Variants in SPRED2 observed in about 807,000 individuals in gnomAD.
SPRED2 encodes the protein sprouty related EVH1 domain containing 2.
A neutral mutation model predicts 43.0 loss-of-function variants in SPRED2; 47 were observed. The observed-to-expected ratio is 1.09, with a 90% CI of 0.87 to 1.40. The LOEUF (loss-of-function observed/expected upper bound fraction) is 1.40. Ranked by LOEUF, SPRED2 falls within the 40% of genes most tolerant of loss-of-function variation. The probability of loss-of-function intolerance (pLI) is 0.00; values close to 1 mark genes in which losing one functional copy is unlikely to be tolerated. For missense variants in SPRED2, 561 were observed against 586.4 expected (o/e 0.96, Z 0.45); for synonymous variants, 225 against 225.7 (o/e 1.00, Z 0.03).
chr2:65,336,482 T>C (rs1373092420), intron 2 of SPRED2, among the ~76,000 whole-genome samples: 1 of 152,232 alleles, frequency 6.6e-6, no homozygotes, highest in Non-Finnish European at 1.5e-5. Flanking sequence ...CAGTTAACTT[T>C]ATTACATTGT....
chr2:65,396,181 T>C (rs1387849414), intron 1 of SPRED2, among the ~76,000 whole-genome samples: 1 of 152,210 alleles, frequency 6.6e-6, no homozygotes, highest in African/African-American at 2.4e-5. Context: ...AGTTAAAGGT[T>C]GATTACTCTT....
chr2:65,348,026 A>G (rs78287130), intron 1 of SPRED2, among the ~76,000 whole-genome samples: 2,892 of 152,172 alleles, frequency 0.019, 47 homozygotes, highest in Middle Eastern at 0.037. Flanking sequence ...CAAACCCTCC[A>G]GTGGTATCGC....
chr2:65,402,278 CAAAAAAAAAAAAAAAA>C (rs58209803), intron 1 of SPRED2, among the ~76,000 whole-genome samples: 2 of 64,404 alleles, frequency 3.1e-5, no homozygotes, highest in African/African-American at 7.1e-5. Flanking sequence ...GACTCTGTCT[CAAAAAAAAAAAAAAAA>C]AAAAAAAAAA....
Position 65,407,727 on chromosome 2 carries a change from G to A in SPRED2, c.26+24235C>T, listed in dbSNP as rs117914268. On this transcript the variant is annotated intron_variant, in intron 1 of 5. Coordinates refer to ENST00000356388, the MANE Select transcript of SPRED2 (RefSeq NM_181784.3). ...AGACGCGGTATCCACTCATGCCTCCGTGCACACAGGTAGACAGAAAAGGGT... is the reference window on the plus strand; with the variant it reads ...AGACGCGGTATCCACTCATGCCTCCATGCACACAGGTAGACAGAAAAGGGT... Among the ~76,000 whole-genome samples the A allele has an allele frequency of 2.0e-5, 3 of 152,184 alleles. No individual in the cohort carries two copies. The East Asian group carries it at 5.8e-4, about 29-fold the overall frequency.
intron 1 of SPRED2, among the ~76,000 whole-genome samples, chr2:65,403,141 C>T (rs568617455): frequency 2.0e-4 from 31 of 152,284 alleles, no homozygotes; most frequent in Admixed American, 4.6e-4. Flanking sequence ...AGCTCAGGAC[C>T]GGCTATAAAC....
chr2:65,312,162 C>G lies in SPRED2; in HGVS notation c.*1339G>C. The G allele has an allele frequency of 1.0e-6, 1 of 985,644 alleles. No homozygotes were observed. Among genetic ancestry groups the G allele is most frequent in the Non-Finnish European group, 1.2e-6 (1 of 829,944 alleles). 61.1% of individuals were successfully genotyped at this position (985,644 alleles called of 1,614,324 possible). On this transcript the variant is annotated 3_prime_UTR_variant, in exon 6 of 6. Transcript: ENST00000356388. ...ATACTCTTTTCCAGCTAATTAGAAG[C>G]CTCCTCCGTGGCAAGGCGACAGGCA...
intron 1 of SPRED2, among the ~76,000 whole-genome samples, chr2:65,420,367 G>T (rs527288979): frequency 6.6e-6 from 1 of 152,292 alleles, no homozygotes; most frequent in African/African-American, 2.4e-5. Flanking sequence ...CTTTTGGGGG[G>T]AAACAAAGGG....
chr2:65,342,386 GTATATGTA>G (rs1674218593), intron 2 of SPRED2, among the ~76,000 whole-genome samples: 1 of 143,016 alleles, frequency 7.0e-6, no homozygotes, highest in Non-Finnish European at 1.5e-5. Context: ...TGTATATTTT[GTATATGTA>G]TATATGTATG....
chr2:65,377,471 C>CAT, intron 1 of SPRED2: 1 of 416,640 alleles, frequency 2.4e-6, no homozygotes, highest in South Asian at 1.8e-5. Flanking sequence ...CTTGCCGACC[C>CAT]CCCAAAGCCT....
intron 1 of SPRED2, among the ~76,000 whole-genome samples, chr2:65,413,728 G>A (rs574219018): frequency 6.6e-6 from 1 of 152,292 alleles, no homozygotes; most frequent in Admixed American, 6.5e-5. Context: ...CATATTTTCT[G>A]ATCCTGTGTT....
intron 1 of SPRED2, among the ~76,000 whole-genome samples, chr2:65,366,380 A>C (rs1674978369): frequency 6.6e-6 from 1 of 152,216 alleles, no homozygotes; most frequent in African/African-American, 2.4e-5. Flanking sequence ...GAGGCATGAG[A>C]GGCTAAGAGC....
intron 1 of SPRED2, among the ~76,000 whole-genome samples, chr2:65,408,899 T>C (rs1307079558): frequency 2.0e-5 from 3 of 152,148 alleles, no homozygotes; most frequent in Non-Finnish European, 1.5e-5. Flanking sequence ...TAATAGCCCA[T>C]AAATATTGCC....
chr2:65,396,910 AACCAGGCC>A (rs1452249210), intron 1 of SPRED2, among the ~76,000 whole-genome samples: 36 of 152,344 alleles, frequency 2.4e-4, no homozygotes, highest in African/African-American at 8.7e-4. Context: ...CTAAACTTCT[AACCAGGCC>A]TGTCTGCTTA....
Position 65,311,383 on chromosome 2 carries a change from G to A in SPRED2, c.*2118C>T. ...CTCTTAAAAGGGTGGAAAAGGACAA[G>A]GGGTGAAAGAAGAGAGAAACAGGTA... is the stretch of plus-strand genomic sequence containing the variant. On this transcript the variant is annotated 3_prime_UTR_variant, in exon 6 of 6. Transcript: ENST00000356388. 1.0e-6 allele frequency: 1 copy of A among 985,882 alleles called. No individual in the cohort carries two copies. The highest frequency in any genetic ancestry group is 1.2e-6 in the Non-Finnish European group (1 of 829,950). 61.1% of individuals were successfully genotyped at this position (985,882 alleles called of 1,614,324 possible).
chr2:65,320,498 T>C (rs970546006), intron 4 of SPRED2, among the ~76,000 whole-genome samples: 1 of 152,166 alleles, frequency 6.6e-6, no homozygotes, highest in Non-Finnish European at 1.5e-5. Context: ...CAGACATTTG[T>C]CAGAGGATGT....
intron 1 of SPRED2, among the ~76,000 whole-genome samples, chr2:65,351,447 T>G (rs972645540): frequency 1.3e-5 from 2 of 152,226 alleles, no homozygotes; most frequent in African/African-American, 2.4e-5. Context: ...ATGCTCAACA[T>G]TAGATTCACT....
chr2:65,411,148 C>T (rs910249190), intron 1 of SPRED2, among the ~76,000 whole-genome samples: 5 of 152,212 alleles, frequency 3.3e-5, no homozygotes, highest in African/African-American at 9.6e-5. Context: ...TTGCTTTCCA[C>T]GTACCAGGTG....
Position 65,356,408 on chromosome 2 carries a change from G to A in SPRED2, c.27-11512C>T, listed in dbSNP as rs549484787. 7.1e-4 allele frequency among the ~76,000 whole-genome samples: 108 copies of A among 151,926 alleles called. 1 individual carries two copies. The highest frequency in any genetic ancestry group is 3.4e-3 in the Middle Eastern group (1 of 294). On this transcript the variant is annotated intron_variant, in intron 1 of 5. Transcript: ENST00000356388. ...AATCATAAATATTGGGAGAGTGAGAGATTTGTAGTGTTATGGTTGATTTCT... is the reference window on the plus strand; with the variant it reads ...AATCATAAATATTGGGAGAGTGAGAAATTTGTAGTGTTATGGTTGATTTCT...
chr2:65,333,333 G>C (rs549714769), intron 3 of SPRED2, among the ~76,000 whole-genome samples: 27 of 151,438 alleles, frequency 1.8e-4, no homozygotes, highest in Non-Finnish European at 3.4e-4. Flanking sequence ...TGCTCAGAAA[G>C]GATGAGAAAT....
Sources: allele counts gnomAD v4.1 joint callset (sites outside exome capture counted in the v4.1 genomes callset), GRCh38; gene constraint gnomAD v4.1.1; transcripts MANE v1.5; gene names NCBI Gene and HGNC (gene_info 2026-07-23, HGNC 2026-07-21).